Variants in HDGFL3 observed in about 807,000 individuals in gnomAD.
The protein encoded by HDGFL3 is hepatoma-derived growth factor-related protein 3.
HDGFL3 carries 6 observed loss-of-function variants against 27.6 expected under a neutral mutation model. The ratio of observed to expected loss-of-function variants is 0.22; its 90% CI spans 0.12 to 0.43. The LOEUF (loss-of-function observed/expected upper bound fraction) is 0.43. HDGFL3 is among the 20% of genes least tolerant of loss of function. HDGFL3 has a pLI of 1.00. For synonymous variants in HDGFL3, 88 were observed against 88.9 expected (o/e 0.99, Z 0.05); for missense variants, 207 against 250.1 (o/e 0.83, Z 1.16).
Position 83,207,394 on chromosome 15 carries a change from GC to G in HDGFL3, c.20del (p.Arg7ProfsTer13). The G allele has an allele frequency of 7.4e-7, 1 of 1,358,218 alleles. No homozygotes were observed. The highest frequency in any genetic ancestry group is 9.5e-7 in the Non-Finnish European group (1 of 1,049,684). The allele number at this position is 1,358,218 out of a possible 1,614,324, so 84.1% of individuals were successfully genotyped here. ...AGACCAGGTCGCCCGCTTTGTACTC[GC>G]GGGGCCGCGGACGCGCCATCCCAGC... MARPRP[R>X]EYKAGDLVFA... On this transcript the variant is annotated frameshift_variant, in exon 1 of 6. Transcript: ENST00000299633. LOFTEE classifies it high-confidence loss of function. The surrounding 1 kb of genome is among the most constrained non-coding windows in gnomAD (Gnocchi z 4.8).
Position 83,127,759 on chromosome 15 carries a change from A to G in HDGFL3, c.*11511T>C. On this transcript the variant is annotated 3_prime_UTR_variant, in exon 6 of 6. Coordinates refer to ENST00000299633, the MANE Select transcript of HDGFL3 (RefSeq NM_016073.4). ...CAAGGTTACACACCCAGCATGTGGC[A>G]TTGTTGTTTTATTGGACTGTTTCAC... The G allele has an allele frequency of 3.0e-6, 1 of 335,954 alleles. No homozygotes were observed. Among genetic ancestry groups the G allele is most frequent in the African/African-American group, 2.2e-5 (1 of 45,726 alleles). The allele number at this position is 335,954 out of a possible 1,614,324, so 20.8% of individuals were successfully genotyped here.
Position 83,157,457 on chromosome 15 carries a change from ATTCT to A in HDGFL3, c.413_416del (p.Lys138MetfsTer133). The A allele has an allele frequency of 6.2e-7, 1 of 1,613,664 alleles. No individual in the cohort carries two copies. Among genetic ancestry groups the A allele is most frequent in the Non-Finnish European group, 8.5e-7 (1 of 1,179,670 alleles). ...TTTTCCGTTTTGAGCCTGCTTTTTCATTCTTTCTTTTGCCTTTTCCATCTTCTTC... is the reference window on the plus strand; with the variant it reads ...TTTTCCGTTTTGAGCCTGCTTTTTCATTCTTTTGCCTTTTCCATCTTCTTC... On this transcript the variant is annotated frameshift_variant, in exon 4 of 6. Transcript: ENST00000299633. LOFTEE classifies it high-confidence loss of function.
intron 1 of HDGFL3, among the ~76,000 whole-genome samples, chr15:83,190,321 C>G (rs2037496755): frequency 6.6e-6 from 1 of 151,600 alleles, no homozygotes; most frequent in Non-Finnish European, 1.5e-5. Context: ...CTAGAGTGTA[C>G]AACTAGGATT....
At position 83,156,718 on chromosome 15, in the gene HDGFL3, G is replaced by C. The variant is rs2037034393; in HGVS notation, c.459+697C>G. Reference sequence around the variant, plus strand: ...ATGCATTTCTTTTTTTTTTGAGATGGAGTCTCGCTCTGTCACCCAGGCTGG... The same window carrying C: ...ATGCATTTCTTTTTTTTTTGAGATGCAGTCTCGCTCTGTCACCCAGGCTGG... On this transcript the variant is annotated intron_variant, in intron 4 of 5. Transcript: ENST00000299633. Among the ~76,000 whole-genome samples, 5 of 151,692 alleles carry C rather than the reference G, an allele frequency of 3.3e-5. No individual in the cohort carries two copies. In the South Asian group the frequency reaches 1.0e-3, roughly 32 times the overall value.
chr15:83,166,200 A>G (rs995301785), intron 1 of HDGFL3, among the ~76,000 whole-genome samples: 1 of 152,222 alleles, frequency 6.6e-6, no homozygotes, highest in African/African-American at 2.4e-5. Flanking sequence ...GAAGGCAGCT[A>G]GAGAAAAAGG....
intron 1 of HDGFL3, among the ~76,000 whole-genome samples, chr15:83,195,037 T>C (rs1242362237): frequency 1.3e-5 from 2 of 152,154 alleles, no homozygotes; most frequent in Non-Finnish European, 2.9e-5. Flanking sequence ...TTACAAATAA[T>C]GTAGACAGTT....
At chr15:83,177,062 C>T (rs2037321662) in intron 1 of HDGFL3, among the ~76,000 whole-genome samples, 1 of 152,150 alleles carries the variant, frequency 6.6e-6, no homozygotes, top group African/African-American at 2.4e-5. Context: ...GGATTACAGG[C>T]ACGTGTCACT....
At chr15:83,127,534 A>G, downstream of HDGFL3, 1 of 1,596,952 alleles carries the variant, frequency 6.3e-7, no homozygotes. Flanking sequence ...CAATTGTTGA[A>G]TATATGAAAA....
At chr15:83,177,004 G>A (rs374645353) in intron 1 of HDGFL3, among the ~76,000 whole-genome samples, 3 of 89,688 alleles carry the variant, frequency 3.3e-5, no homozygotes, top group East Asian at 2.3e-4. Flanking sequence ...TGCAACCTCC[G>A]GCTCCTGGGT....
intron 5 of HDGFL3, among the ~76,000 whole-genome samples, chr15:83,149,438 G>A (rs2036937251): frequency 2.0e-5 from 3 of 152,208 alleles, no homozygotes; most frequent in African/African-American, 7.2e-5. Flanking sequence ...GAGTAGAAGT[G>A]TGCCAAGTCA....
chr15:83,147,152 T>G (rs991182108), intron 5 of HDGFL3, among the ~76,000 whole-genome samples: 1 of 151,888 alleles, frequency 6.6e-6, no homozygotes, highest in Non-Finnish European at 1.5e-5. Flanking sequence ...AACCTCCACC[T>G]CCCGGGTTCA....
intron 3 of HDGFL3, chr15:83,122,120 C>G: frequency 1.2e-6 from 1 of 850,330 alleles, no homozygotes; most frequent in Non-Finnish European, 1.9e-6. Context: ...TACTAAAAAC[C>G]TGTTTTGCAG....
intron 3 of HDGFL3, chr15:83,115,801 C>G: frequency 7.7e-7 from 1 of 1,292,280 alleles, no homozygotes; most frequent in Non-Finnish European, 1.1e-6. Flanking sequence ...TAGTAATTGT[C>G]TCCTGAGCTA....
downstream of HDGFL3, chr15:83,124,646 C>CT: frequency 6.3e-7 from 1 of 1,586,852 alleles, no homozygotes; most frequent in Non-Finnish European, 8.6e-7. Context: ...TTTGGGCCTG[C>CT]TCTTTAGGTA....
At chr15:83,184,917 C>T (rs1237751492) in intron 1 of HDGFL3, 1 of 152,206 alleles carries the variant, frequency 6.6e-6, no homozygotes. Flanking sequence ...CTTTCACTCT[C>T]GTACAACAAC....
intron 1 of HDGFL3, among the ~76,000 whole-genome samples, chr15:83,197,481 T>A (rs1292285229): frequency 6.6e-6 from 1 of 152,186 alleles, no homozygotes; most frequent in East Asian, 1.9e-4. Context: ...CAAGGCAATC[T>A]CTTTTTGATA....
chr15:83,204,166 G>A (rs2037686692), intron 1 of HDGFL3, among the ~76,000 whole-genome samples: 1 of 151,406 alleles, frequency 6.6e-6, no homozygotes, highest in African/African-American at 2.4e-5. Context: ...TAGGTATTAT[G>A]TCAATGTATT....
intron 1 of HDGFL3, among the ~76,000 whole-genome samples, chr15:83,171,134 T>C (rs1051143777): frequency 2.0e-5 from 3 of 152,198 alleles, no homozygotes; most frequent in Admixed American, 6.5e-5. Context: ...TGTGCCATGT[T>C]GGTGTGCTGT....
chr15:83,169,213 GA>G (rs2037211397), intron 1 of HDGFL3: 1 of 444,946 alleles, frequency 2.2e-6, no homozygotes, highest in African/African-American at 2.0e-5. Flanking sequence ...ACAAGACAAG[GA>G]TGTCTACCTT....
Sources: allele counts gnomAD v4.1 joint callset (sites outside exome capture counted in the v4.1 genomes callset), GRCh38; gene constraint gnomAD v4.1.1; non-coding constraint Gnocchi (gnomAD v3.1); transcripts MANE v1.5; gene names NCBI Gene and HGNC (gene_info 2026-07-23, HGNC 2026-07-21).